ERGIC2: variants seen among roughly 807,000 people sequenced by gnomAD.
ERGIC2 encodes endoplasmic reticulum-Golgi intermediate compartment protein 2.
In ERGIC2, 31 loss-of-function variants were observed where a neutral mutation model predicts 52.5. The observed-to-expected ratio is 0.59, with a 90% CI of 0.44 to 0.80. The LOEUF (loss-of-function observed/expected upper bound fraction) is 0.80, where lower values mean the gene tolerates loss of function less well. Ranked by LOEUF, ERGIC2 falls within the 30% of genes least tolerant of loss-of-function variation. ERGIC2 has a pLI of 0.00. For missense variants in ERGIC2, 395 were observed against 455.2 expected (o/e 0.87, Z 1.20); for synonymous variants, 129 against 140.6 (o/e 0.92, Z 0.58).
chr12:29,358,845 C>G (rs2136865973), intron 6 of ERGIC2, among the ~76,000 whole-genome samples: 1 of 152,086 alleles, frequency 6.6e-6, no homozygotes, highest in Middle Eastern at 3.4e-3. Context: ...CATCATCTAT[C>G]TAGAAAATTA....
At chr12:29,350,641 ATGT>A (rs1461837913) in intron 8 of ERGIC2, among the ~76,000 whole-genome samples, 1 of 152,238 alleles carries the variant, frequency 6.6e-6, no homozygotes, top group East Asian at 1.9e-4. Context: ...ACTTATAAAC[ATGT>A]TATTATATTG....
At chr12:29,352,115 C>T (rs1940140787) in intron 8 of ERGIC2, among the ~76,000 whole-genome samples, 1 of 152,056 alleles carries the variant, frequency 6.6e-6, no homozygotes, top group African/African-American at 2.4e-5. Context: ...ACACACAGCA[C>T]TTTTAATGCT....
At chr12:29,379,287 G>C (rs1268362605) in intron 1 of ERGIC2, among the ~76,000 whole-genome samples, 3 of 152,132 alleles carry the variant, frequency 2.0e-5, no homozygotes, top group Non-Finnish European at 2.9e-5. Context: ...CAAAAGCAAA[G>C]AGTATGGGGG....
At chr12:29,362,057 T>A (rs1054528492) in intron 5 of ERGIC2, among the ~76,000 whole-genome samples, 1 of 152,138 alleles carries the variant, frequency 6.6e-6, no homozygotes, top group Non-Finnish European at 1.5e-5. Flanking sequence ...TATTCAAGCA[T>A]CCAAAGCCCA....
At chr12:29,357,474 A>G in intron 7 of ERGIC2, 149 bp downstream of exon 7, 1 of 522,496 alleles carries the variant, frequency 1.9e-6, no homozygotes, top group Non-Finnish European at 3.4e-6. Context: ...TATAAATTTA[A>G]GAGCAAAAGG....
At position 29,343,140 on chromosome 12, in the gene ERGIC2, C is replaced by G; in HGVS notation, c.968G>C (p.Gly323Ala). The G allele has an allele frequency of 6.3e-7, 1 of 1,599,880 alleles. No individual in the cohort carries two copies. Among genetic ancestry groups the G allele is most frequent in the Non-Finnish European group, 8.5e-7 (1 of 1,172,526 alleles). ...QFFVRLCGIV[G>A]GIFSTTGMLH... The stretch of plus-strand genomic sequence containing the variant: ...TTAACCTGTTGTTGAAAAGATTCCT[C>G]CAACAATACCACAGAGTCTTACAAA... Residue 323 changes from glycine to alanine, a missense_variant, in exon 12 of 14, where the codon GGA becomes GCA. Coordinates refer to ENST00000360150, the MANE Select transcript of ERGIC2 (RefSeq NM_016570.3).
intron 11 of ERGIC2, 32 bp downstream of exon 11, chr12:29,345,411 C>A (rs74869584): frequency 8.1e-7 from 1 of 1,235,368 alleles, no homozygotes; most frequent in Non-Finnish European, 1.2e-6. Context: ...AAAAAAATCA[C>A]CAAATTATTT....
chr12:29,357,550 C>A, intron 7 of ERGIC2, 73 bp downstream of exon 7: 1 of 816,258 alleles, frequency 1.2e-6, no homozygotes, highest in Non-Finnish European at 2.1e-6. Context: ...GAAAACTAAA[C>A]CAACACTTTA....
intron 1 of ERGIC2, among the ~76,000 whole-genome samples, chr12:29,379,311 C>T (rs1940555351): frequency 6.6e-6 from 1 of 152,006 alleles, no homozygotes; most frequent in Non-Finnish European, 1.5e-5. Context: ...ATAAGGCACT[C>T]AGAGGGTAGA....
intron 8 of ERGIC2, among the ~76,000 whole-genome samples, chr12:29,354,007 G>A (rs1269028975): frequency 6.6e-6 from 1 of 152,018 alleles, no homozygotes; most frequent in African/African-American, 2.4e-5. Context: ...GTGAAGAGAG[G>A]CATTTTGAGT....
intron 10 of ERGIC2, 84 bp downstream of exon 10, chr12:29,348,995 G>T: frequency 3.1e-6 from 2 of 652,898 alleles, no homozygotes; most frequent in Non-Finnish European, 2.7e-6. Flanking sequence ...CAGTAGTTAG[G>T]AAGACATTAA....
intron 6 of ERGIC2, among the ~76,000 whole-genome samples, chr12:29,360,223 A>G (rs1233818789): frequency 6.6e-6 from 1 of 151,976 alleles, no homozygotes; most frequent in Non-Finnish European, 1.5e-5. Flanking sequence ...AAGAAATTCT[A>G]TTTCTAGAAA....
At chr12:29,366,843 G>T in intron 5 of ERGIC2, 34 bp downstream of exon 5, 1 of 1,361,552 alleles carries the variant, frequency 7.3e-7, no homozygotes, top group Non-Finnish European at 1.0e-6. Context: ...TCCTCAACCC[G>T]TGTATTTCAA....
chr12:29,374,045 C>T (rs560438505), intron 1 of ERGIC2, among the ~76,000 whole-genome samples: 1 of 152,226 alleles, frequency 6.6e-6, no homozygotes, highest in East Asian at 1.9e-4. Context: ...CTCTTTAAAA[C>T]AGAACTCTCC....
intron 8 of ERGIC2, among the ~76,000 whole-genome samples, chr12:29,356,103 C>A (rs1352753874): frequency 1.3e-5 from 2 of 151,936 alleles, no homozygotes; most frequent in African/African-American, 4.8e-5. Flanking sequence ...CTCACTACAA[C>A]CTCCGCCTCC....
chr12:29,365,194 T>C (rs1940342732), intron 5 of ERGIC2, among the ~76,000 whole-genome samples: 3 of 152,054 alleles, frequency 2.0e-5, no homozygotes, highest in Non-Finnish European at 2.9e-5. Flanking sequence ...AGCGAATACA[T>C]GGAATCAACC....
chr12:29,366,908 A>C lies in ERGIC2; in HGVS notation c.302T>G (p.Val101Gly), dbSNP rs763955464. Reference protein sequence around the residue: ...ADVLDLAETMVASADGLVYEP... With the variant: ...ADVLDLAETMGASADGLVYEP... ...ATAAACTAAACCATCTGCAGATGCAACCATTGTTTCTGCTAAATCCAATAC... is the reference window on the plus strand; with the variant it reads ...ATAAACTAAACCATCTGCAGATGCACCCATTGTTTCTGCTAAATCCAATAC... The change falls in exon 5 of 14, where the codon GTT becomes GGT. Residue 101 changes from valine to glycine, a missense_variant. Coordinates refer to ENST00000360150, the MANE Select transcript of ERGIC2 (RefSeq NM_016570.3). 1 of 1,604,794 alleles carries C rather than the reference A, an allele frequency of 6.2e-7. No homozygotes were observed. The highest frequency in any genetic ancestry group is 2.2e-5 in the East Asian group (1 of 44,506).
At chr12:29,345,645 G>C (rs1183196583) in intron 10 of ERGIC2, 105 bp from the exon 11 acceptor site, 2 of 709,226 alleles carry the variant, frequency 2.8e-6, no homozygotes, top group African/African-American at 3.5e-5. Flanking sequence ...TGGATGTGGT[G>C]GCTCACACCT....
At chr12:29,355,422 C>A (rs959513181) in intron 8 of ERGIC2, among the ~76,000 whole-genome samples, 1 of 152,104 alleles carries the variant, frequency 6.6e-6, no homozygotes, top group Non-Finnish European at 1.5e-5. Flanking sequence ...TAGTTTCTAG[C>A]ACAGTACTTT....
Sources: gnomAD v4.1 joint callset for allele counts (sites outside exome capture counted in the v4.1 genomes callset) on GRCh38, gnomAD v4.1.1 for gene constraint, MANE v1.5 for transcripts, NCBI Gene and HGNC (gene_info 2026-07-23, HGNC 2026-07-21) for gene names.